CSMD1: variants seen among roughly 807,000 people sequenced by gnomAD.
The protein encoded by CSMD1 is CUB and Sushi multiple domains 1.
CSMD1 carries 213 observed loss-of-function variants against 417.5 expected under a neutral mutation model. That is an observed-to-expected ratio of 0.51 (90% CI 0.46 to 0.57). CSMD1 has a LOEUF of 0.57. Among genes scored for constraint, CSMD1 ranks in the 20% least tolerant of loss-of-function variants. The pLI, the probability that CSMD1 is intolerant of heterozygous loss-of-function variation, is 0.00. For synonymous variants in CSMD1, 2,862 were observed against 1,736.8 expected, an observed-to-expected ratio of 1.65 and a Z score of -16.11; for missense variants, 6,923 against 4,529.7, an observed-to-expected ratio of 1.53 and a Z score of -15.17.
At chr8:4,575,423 C>A (rs930887137) in intron 2 of CSMD1, among the ~76,000 whole-genome samples, 19 of 151,938 alleles carry the variant, frequency 1.3e-4, no homozygotes, top group African/African-American at 4.4e-4. Flanking sequence ...ACCATTTCCA[C>A]TACATATTGT....
chr8:4,021,762 T>G (rs761103722), intron 4 of CSMD1, among the ~76,000 whole-genome samples: 1 of 152,162 alleles, frequency 6.6e-6, no homozygotes, highest in Non-Finnish European at 1.5e-5. Flanking sequence ...CCAATAATCT[T>G]TATCTTGAGT....
At chr8:2,957,594 A>G (rs543135115) in intron 63 of CSMD1, 102 bp downstream of exon 63, 7 of 803,256 alleles carry the variant, frequency 8.7e-6, no homozygotes, top group Non-Finnish European at 1.4e-5. Flanking sequence ...AGGATTAGGG[A>G]ATTAAAAACA....
rs1817910612 is a variant in CSMD1, at chr8:3,133,558, C to A, written c.6241+8907G>T. ...GGCAGACGAGAGTGAAGCCCCTAAC[C>A]CACCAGGAATGAAGGGGTTCTGAGG... is the stretch of plus-strand genomic sequence containing the variant. On this transcript the variant is annotated intron_variant, in intron 41 of 69. Coordinates refer to ENST00000635120, the MANE Select transcript of CSMD1 (RefSeq NM_033225.6). 2.0e-5 allele frequency among the ~76,000 whole-genome samples: 3 copies of A among 152,298 alleles called. No individual in the cohort carries two copies. In the South Asian group the frequency reaches 6.2e-4, roughly 32 times the overall value.
chr8:3,390,139 G>A (rs145791369), intron 17 of CSMD1, among the ~76,000 whole-genome samples: 11 of 152,058 alleles, frequency 7.2e-5, no homozygotes, highest in African/African-American at 2.7e-4. Flanking sequence ...TGGATCACCT[G>A]ATGTCAGGAG....
intron 5 of CSMD1, among the ~76,000 whole-genome samples, chr8:3,768,029 C>G (rs1350100261): frequency 6.6e-6 from 1 of 152,034 alleles, no homozygotes; most frequent in Non-Finnish European, 1.5e-5. Context: ...ACCAGGTATA[C>G]AAAACAGAAT....
intron 5 of CSMD1, among the ~76,000 whole-genome samples, chr8:3,876,553 A>G (rs189479672): frequency 6.6e-6 from 1 of 152,196 alleles, no homozygotes; most frequent in Non-Finnish European, 1.5e-5. Context: ...TTCCTAAAAA[A>G]TTATTAATTC....
At chr8:4,692,553 AG>A (rs1415102345) in intron 1 of CSMD1, among the ~76,000 whole-genome samples, 1 of 152,122 alleles carries the variant, frequency 6.6e-6, no homozygotes, top group African/African-American at 2.4e-5. Flanking sequence ...CCACATGAAG[AG>A]GGCCGGGAAG....
At chr8:4,770,140 G>A (rs897844028) in intron 1 of CSMD1, among the ~76,000 whole-genome samples, 2 of 150,918 alleles carry the variant, frequency 1.3e-5, no homozygotes, top group African/African-American at 4.9e-5. Context: ...CATAGTACCA[G>A]AAGCAACATA....
chr8:4,333,069 G>T (rs373317814), intron 3 of CSMD1, among the ~76,000 whole-genome samples: 57 of 151,996 alleles, frequency 3.8e-4, no homozygotes, highest in African/African-American at 1.2e-3. Context: ...GCGTTTCATA[G>T]AAATACTACT....
intron 54 of CSMD1, among the ~76,000 whole-genome samples, chr8:2,982,932 G>GT (rs1374482267): frequency 2.6e-5 from 4 of 152,140 alleles, no homozygotes; most frequent in African/African-American, 9.7e-5. Flanking sequence ...GGCAGTAACA[G>GT]GGCATCACAT....
rs1290580222 is a variant in CSMD1 at position 3,534,681 on chromosome 8, T to C, written c.1344+40264A>G. ...GCCAAACAATTTTAGAAAACCATTG[T>C]GTACATCCTTTTTCATTCTTCTAGT... is the stretch of plus-strand genomic sequence containing the variant. On this transcript the variant is annotated intron_variant, in intron 10 of 69. Transcript: ENST00000635120. Among the ~76,000 whole-genome samples the C allele has an allele frequency of 2.6e-5, 4 of 152,332 alleles. No homozygotes were observed. In the East Asian group the frequency reaches 7.7e-4, roughly 29 times the overall value.
At chr8:4,977,447 G>A (rs150901064) in intron 1 of CSMD1, among the ~76,000 whole-genome samples, 54 of 152,242 alleles carry the variant, frequency 3.5e-4, no homozygotes, top group African/African-American at 1.2e-3. Context: ...GCATGTCCAC[G>A]GACTCATGCA....
intron 1 of CSMD1, among the ~76,000 whole-genome samples, chr8:4,680,350 C>T (rs1237812789): frequency 6.6e-6 from 1 of 152,146 alleles, no homozygotes; most frequent in Non-Finnish European, 1.5e-5. Context: ...CTTAATTCAA[C>T]CTCGTATCTT....
chr8:3,621,483 T>A (rs1334866674), intron 7 of CSMD1, among the ~76,000 whole-genome samples: 1 of 152,142 alleles, frequency 6.6e-6, no homozygotes, highest in East Asian at 1.9e-4. Flanking sequence ...TGTAAAGTAC[T>A]TCAGCGGAGT....
At chr8:4,771,631 T>A (rs1796602028) in intron 1 of CSMD1, among the ~76,000 whole-genome samples, 1 of 152,184 alleles carries the variant, frequency 6.6e-6, no homozygotes, top group Non-Finnish European at 1.5e-5. Context: ...GAATTCCTGA[T>A]TAACACCATG....
intron 3 of CSMD1, among the ~76,000 whole-genome samples, chr8:4,403,831 C>T (rs1302971547): frequency 6.6e-6 from 1 of 152,124 alleles, no homozygotes; most frequent in Non-Finnish European, 1.5e-5. Context: ...TGGCATCTGC[C>T]ATTGGGTGTC....
chr8:4,197,208 G>A (rs923391737), intron 3 of CSMD1, among the ~76,000 whole-genome samples: 2 of 152,160 alleles, frequency 1.3e-5, no homozygotes, highest in African/African-American at 4.8e-5. Flanking sequence ...TTTCCAGTAA[G>A]AGCATCATGA....
intron 5 of CSMD1, among the ~76,000 whole-genome samples, chr8:3,868,043 C>G (rs1805227815): frequency 1.3e-5 from 2 of 152,142 alleles, no homozygotes; most frequent in African/African-American, 4.8e-5. Context: ...GCCCTGCACC[C>G]TGATCTGTCC....
At chr8:3,840,076 G>A (rs1306340746) in intron 5 of CSMD1, among the ~76,000 whole-genome samples, 1 of 152,068 alleles carries the variant, frequency 6.6e-6, no homozygotes, top group African/African-American at 2.4e-5. Flanking sequence ...TAATAGCTCT[G>A]CCTATACTTT....
Sources: gnomAD v4.1 joint callset for allele counts (sites outside exome capture counted in the v4.1 genomes callset) on GRCh38, gnomAD v4.1.1 for gene constraint, MANE v1.5 for transcripts, NCBI Gene and HGNC (gene_info 2026-07-23, HGNC 2026-07-21) for gene names.